The following SNX10 variants were observed in gnomAD, a reference collection of about 807,000 sequenced individuals.
SNX10 encodes sorting nexin 10.
A neutral mutation model predicts 28.5 loss-of-function variants in SNX10; 25 were observed. That is an observed-to-expected ratio of 0.88 (90% CI 0.64 to 1.22). SNX10 has a LOEUF of 1.22. Among genes scored for constraint, SNX10 ranks in the 50% most tolerant of loss-of-function variants. The pLI, the probability that SNX10 is intolerant of heterozygous loss-of-function variation, is 0.00. For missense variants in SNX10, 223 were observed against 242.6 expected (o/e 0.92, Z 0.54); for synonymous variants, 62 against 81.4 (o/e 0.76, Z 1.28).
chr7:26,332,606 G>C (rs895976078), intron 1 of SNX10, among the ~76,000 whole-genome samples: 2 of 152,178 alleles, frequency 1.3e-5, no homozygotes, highest in African/African-American at 4.8e-5. Context: ...TGTTGTTGTT[G>C]CTCATGCTTT....
intron 1 of SNX10, among the ~76,000 whole-genome samples, chr7:26,310,445 A>C (rs747307162): frequency 2.6e-5 from 4 of 152,210 alleles, no homozygotes; most frequent in Non-Finnish European, 5.9e-5. Context: ...ATTAATAGAT[A>C]AATAATAAAT....
At chr7:26,305,771 C>G (rs560459190) in intron 1 of SNX10, among the ~76,000 whole-genome samples, 2 of 152,350 alleles carry the variant, frequency 1.3e-5, no homozygotes, top group African/African-American at 4.8e-5. Context: ...ATTTTGAGGA[C>G]TTTGCCAAAC....
chr7:26,349,554 A>T (rs1242615437), intron 2 of SNX10, among the ~76,000 whole-genome samples: 2 of 152,214 alleles, frequency 1.3e-5, no homozygotes, highest in Non-Finnish European at 2.9e-5. Context: ...AGGCCTTGGC[A>T]TTGGGCCATT....
chr7:26,297,994 G>C (rs1296741525), intron 1 of SNX10, among the ~76,000 whole-genome samples: 1 of 152,232 alleles, frequency 6.6e-6, no homozygotes, highest in African/African-American at 2.4e-5. Flanking sequence ...ACTTTGGGAG[G>C]CCGAGGCAGG....
intron 2 of SNX10, among the ~76,000 whole-genome samples, chr7:26,352,782 A>T (rs573476365): frequency 1.3e-4 from 20 of 152,288 alleles, no homozygotes; most frequent in African/African-American, 4.6e-4. Flanking sequence ...GGTTGTTCTA[A>T]TTCTCTATTT....
rs559835071 is a variant in SNX10, at chr7:26,351,091, T to C, written c.24+4625T>C. ...ATATGTATATGTCATTTTTAGAAAA[T>C]TGAGATCATACAGAATTTATAGTTT... On this transcript the variant is annotated intron_variant, in intron 2 of 6. Coordinates refer to ENST00000338523, the MANE Select transcript of SNX10 (RefSeq NM_013322.3). Among the ~76,000 whole-genome samples, 6 of 152,342 alleles carry C rather than the reference T, an allele frequency of 3.9e-5. No individual in the cohort carries two copies. In the South Asian group the frequency reaches 1.2e-3, roughly 32 times the overall value.
chr7:26,318,993 G>T (rs935546400), intron 1 of SNX10, among the ~76,000 whole-genome samples: 1 of 152,200 alleles, frequency 6.6e-6, no homozygotes, highest in South Asian at 2.1e-4. Context: ...TTTGAACCGA[G>T]ATATGAATGA....
intron 1 of SNX10, among the ~76,000 whole-genome samples, chr7:26,327,591 T>C (rs532396565): frequency 2.1e-3 from 319 of 152,330 alleles, no homozygotes; most frequent in Middle Eastern, 3.4e-3. Context: ...CTGATGCTTG[T>C]ACCTGCTTGG....
intron 1 of SNX10, among the ~76,000 whole-genome samples, chr7:26,345,021 G>A (rs1210128342): frequency 6.6e-6 from 1 of 152,028 alleles, no homozygotes; most frequent in Admixed American, 6.6e-5. Flanking sequence ...CCCCTCCTCC[G>A]TCTTCGTCTT....
At chr7:26,370,151 G>A (rs1308364358) in intron 5 of SNX10, among the ~76,000 whole-genome samples, 1 of 152,174 alleles carries the variant, frequency 6.6e-6, no homozygotes, top group African/African-American at 2.4e-5. Context: ...GCAGGAAACC[G>A]CTGACAGAGG....
At chr7:26,345,288 C>T (rs546334087) in intron 1 of SNX10, among the ~76,000 whole-genome samples, 22 of 152,216 alleles carry the variant, frequency 1.4e-4, no homozygotes, top group Non-Finnish European at 3.2e-4. Flanking sequence ...TGGTCACGAT[C>T]TCTGGACCAT....
Position 26,372,353 on chromosome 7 carries a change from G to C in SNX10, c.525-138G>C, listed in dbSNP as rs1016332513. The C allele has an allele frequency of 7.4e-6, 5 of 678,962 alleles. No individual in the cohort carries two copies. In the African/African-American group the frequency reaches 9.0e-5, roughly 12 times the overall value. 42.1% of individuals were successfully genotyped at this position (678,962 alleles called of 1,614,324 possible). ...AAAAATACCCAACTGCACTCCAAAT[G>C]GCTAATTAAAAGTCCAAATTTCCTG... On this transcript the variant is annotated intron_variant, in intron 6 of 6. Transcript: ENST00000338523.
At chr7:26,366,860 TGTGA>T (rs1047630204) in intron 5 of SNX10, among the ~76,000 whole-genome samples, 1 of 152,242 alleles carries the variant, frequency 6.6e-6, no homozygotes, top group Admixed American at 6.5e-5. Context: ...TGAATGACCC[TGTGA>T]GTGTCATTCA....
At chr7:26,330,685 G>A (rs1039977802) in intron 1 of SNX10, among the ~76,000 whole-genome samples, 1 of 152,096 alleles carries the variant, frequency 6.6e-6, no homozygotes, top group Admixed American at 6.6e-5. Context: ...CAGACATTGT[G>A]GCTCATAGGA....
intron 2 of SNX10, among the ~76,000 whole-genome samples, chr7:26,350,953 T>C (rs1788573654): frequency 6.6e-6 from 1 of 152,216 alleles, no homozygotes; most frequent in African/African-American, 2.4e-5. Context: ...CCTTTTTTTT[T>C]TCTTAACTCT....
intron 2 of SNX10, among the ~76,000 whole-genome samples, chr7:26,358,554 A>G (rs1423141594): frequency 6.6e-6 from 1 of 152,080 alleles, no homozygotes; most frequent in Non-Finnish European, 1.5e-5. Context: ...AGCCTGGGCA[A>G]CATAGCAAGA....
intron 1 of SNX10, among the ~76,000 whole-genome samples, chr7:26,327,644 G>A (rs945717323): frequency 2.0e-5 from 3 of 149,198 alleles, no homozygotes. Flanking sequence ...AATTTTCTTT[G>A]TCTCTGCACA....
At chr7:26,342,296 G>T (rs943099894) in intron 1 of SNX10, among the ~76,000 whole-genome samples, 1 of 152,026 alleles carries the variant, frequency 6.6e-6, no homozygotes, top group African/African-American at 2.4e-5. Context: ...CAAAGTGTTG[G>T]GATTACAGGC....
chr7:26,338,930 A>C (rs937009756), intron 1 of SNX10, among the ~76,000 whole-genome samples: 2 of 152,102 alleles, frequency 1.3e-5, no homozygotes, highest in Non-Finnish European at 2.9e-5. Context: ...TAAAGCATGG[A>C]TCTTAGGTTT....
Sources: gnomAD v4.1 joint callset for allele counts (sites outside exome capture counted in the v4.1 genomes callset) on GRCh38, gnomAD v4.1.1 for gene constraint, MANE v1.5 for transcripts, NCBI Gene and HGNC (gene_info 2026-07-23, HGNC 2026-07-21) for gene names.